The following GALNT17 variants were observed in gnomAD, a reference collection of about 807,000 sequenced individuals.
The protein encoded by GALNT17 is polypeptide N-acetylgalactosaminyltransferase 17.
GALNT17 carries 29 observed loss-of-function variants against 63.7 expected under a neutral mutation model. The ratio of observed to expected loss-of-function variants is 0.46; its 90% CI spans 0.34 to 0.62. GALNT17 has a LOEUF of 0.62. Among genes scored for constraint, GALNT17 ranks in the 20% least tolerant of loss-of-function variants. The pLI, the probability that GALNT17 is intolerant of heterozygous loss-of-function variation, is 0.01. For synonymous variants in GALNT17, 305 were observed against 318.3 expected (o/e 0.96, Z 0.45); for missense variants, 603 against 799.6 (o/e 0.75, Z 2.97).
chr7:71,677,986 T>A (rs1237888866), intron 9 of GALNT17, among the ~76,000 whole-genome samples: 1 of 152,072 alleles, frequency 6.6e-6, no homozygotes, highest in Non-Finnish European at 1.5e-5. Context: ...CCTCAGCCCT[T>A]TGACCTTGCA....
chr7:71,436,755 T>C (rs1786972749), intron 5 of GALNT17, among the ~76,000 whole-genome samples: 1 of 151,782 alleles, frequency 6.6e-6, no homozygotes. Context: ...AATAAATGTA[T>C]CCATGTTTCC....
intron 1 of GALNT17, among the ~76,000 whole-genome samples, chr7:71,299,475 T>C (rs1791153988): frequency 6.6e-6 from 1 of 152,182 alleles, no homozygotes; most frequent in Non-Finnish European, 1.5e-5. Flanking sequence ...GAATTGGGGT[T>C]TGTTACACCA....
intron 6 of GALNT17, among the ~76,000 whole-genome samples, chr7:71,586,282 A>G (rs187684621): frequency 6.6e-6 from 1 of 152,254 alleles, no homozygotes; most frequent in Admixed American, 6.5e-5. Flanking sequence ...TATAGTCTCT[A>G]TTGTATCTGA....
intron 1 of GALNT17, among the ~76,000 whole-genome samples, chr7:71,310,752 C>T (rs1464733574): frequency 2.6e-5 from 4 of 152,198 alleles, no homozygotes; most frequent in Non-Finnish European, 5.9e-5. Context: ...TTTCTATTGG[C>T]CCTACCAGAG....
chr7:71,225,995 A>G (rs1789672972), intron 1 of GALNT17, among the ~76,000 whole-genome samples: 2 of 152,246 alleles, frequency 1.3e-5, no homozygotes, highest in Non-Finnish European at 1.5e-5. Flanking sequence ...AATGAGATGT[A>G]TACATATATA....
intron 1 of GALNT17, among the ~76,000 whole-genome samples, chr7:71,325,449 G>T (rs1427009724): frequency 6.6e-6 from 1 of 152,198 alleles, no homozygotes; most frequent in Admixed American, 6.5e-5. Context: ...CAAGGCACCA[G>T]ATTGCATTTT....
At chr7:71,290,677 C>T (rs1379395225) in intron 1 of GALNT17, among the ~76,000 whole-genome samples, 2 of 152,142 alleles carry the variant, frequency 1.3e-5, no homozygotes, top group Admixed American at 1.3e-4. Context: ...ATTGGCTGGT[C>T]CCATCCTGAT....
chr7:71,179,365 G>T (rs1479887320), intron 1 of GALNT17, among the ~76,000 whole-genome samples: 1 of 152,176 alleles, frequency 6.6e-6, no homozygotes, highest in East Asian at 1.9e-4. Context: ...GATGTCTCAT[G>T]TCTCCCTAAA....
At chr7:71,209,357 A>G (rs1789333909) in intron 1 of GALNT17, among the ~76,000 whole-genome samples, 1 of 152,172 alleles carries the variant, frequency 6.6e-6, no homozygotes, top group African/African-American at 2.4e-5. Flanking sequence ...CTTTTCATAT[A>G]TAGGCTCACA....
At chr7:71,449,753 AT>A (rs1787225145) in intron 5 of GALNT17, among the ~76,000 whole-genome samples, 1 of 152,026 alleles carries the variant, frequency 6.6e-6, no homozygotes, top group South Asian at 2.1e-4. Context: ...ATATTAATCG[AT>A]TGTCTAACCG....
intron 6 of GALNT17, among the ~76,000 whole-genome samples, chr7:71,621,698 A>AT (rs1192864153): frequency 6.6e-6 from 1 of 152,172 alleles, no homozygotes; most frequent in African/African-American, 2.4e-5. Flanking sequence ...AGATAAAAAT[A>AT]TTTTTTTCTT....
At chr7:71,372,685 T>C (rs1203282875) in intron 2 of GALNT17, among the ~76,000 whole-genome samples, 1 of 152,152 alleles carries the variant, frequency 6.6e-6, no homozygotes, top group African/African-American at 2.4e-5. Context: ...AACCCTCTGG[T>C]CTCAAGTGAT....
chr7:71,389,698 G>A (rs1014124011), intron 3 of GALNT17, among the ~76,000 whole-genome samples: 5 of 151,876 alleles, frequency 3.3e-5, no homozygotes, highest in Non-Finnish European at 7.4e-5. Flanking sequence ...TCCCCACCCC[G>A]CACCCCATCT....
chr7:71,334,006 G>A (rs1791852620), intron 1 of GALNT17, among the ~76,000 whole-genome samples: 1 of 152,170 alleles, frequency 6.6e-6, no homozygotes, highest in Non-Finnish European at 1.5e-5. Flanking sequence ...TTCAGCATGA[G>A]GGAGCAGGTA....
intron 1 of GALNT17, among the ~76,000 whole-genome samples, chr7:71,191,206 TAGTC>T (rs1032261591): frequency 2.0e-5 from 3 of 152,210 alleles, no homozygotes; most frequent in Non-Finnish European, 4.4e-5. Context: ...TATCGCTTCC[TAGTC>T]AGTCTTCCAC....
At chr7:71,422,747 A>G (rs1786689402) in intron 5 of GALNT17, among the ~76,000 whole-genome samples, 1 of 152,214 alleles carries the variant, frequency 6.6e-6, no homozygotes. Context: ...CAGCTTACTT[A>G]GACCCTCTGC....
chr7:71,241,841 ATC>A (rs1790002630), intron 1 of GALNT17, among the ~76,000 whole-genome samples: 1 of 152,126 alleles, frequency 6.6e-6, no homozygotes, highest in Non-Finnish European at 1.5e-5. Context: ...GTGAGCCATG[ATC>A]ACGCCCCTGC....
chr7:71,217,711 G>C (rs1789510928), intron 1 of GALNT17, among the ~76,000 whole-genome samples: 1 of 151,772 alleles, frequency 6.6e-6, no homozygotes, highest in Non-Finnish European at 1.5e-5. Flanking sequence ...CGATCACAAG[G>C]TCAGGAGATC....
At chr7:71,629,329 T>G (rs1339093728) in intron 6 of GALNT17, among the ~76,000 whole-genome samples, 1 of 152,146 alleles carries the variant, frequency 6.6e-6, no homozygotes, top group East Asian at 1.9e-4. Flanking sequence ...AATAACCAAG[T>G]GGAGCTTCAT....
Sources: gnomAD v4.1 joint callset for allele counts (sites outside exome capture counted in the v4.1 genomes callset) on GRCh38, gnomAD v4.1.1 for gene constraint, MANE v1.5 for transcripts, NCBI Gene and HGNC (gene_info 2026-07-23, HGNC 2026-07-21) for gene names.